Variants in VWF observed in about 807,000 individuals in gnomAD.
The protein encoded by VWF is Factor VIII related antigen.
Under a neutral mutation model 308.6 loss-of-function variants are expected in VWF, and 176 were observed. The ratio of observed to expected loss-of-function variants is 0.57; its 90% CI spans 0.50 to 0.65. VWF has a LOEUF of 0.65. VWF is among the 30% of genes least tolerant of loss of function. The pLI is 0.00. For missense variants in VWF, 3,146 were observed against 3,648.2 expected, an observed-to-expected ratio of 0.86 and a Z score of 3.55; for synonymous variants, 1,385 against 1,443.4, an observed-to-expected ratio of 0.96 and a Z score of 0.92.
At chr12:5,971,563 T>A in intron 44 of VWF, 36 bp downstream of exon 44, 1 of 1,569,776 alleles carries the variant, frequency 6.4e-7, no homozygotes. Flanking sequence ...GTGGCCCCAA[T>A]CTGCCCTCCT....
Position 6,060,497 on chromosome 12 carries a change from C to A in VWF, c.1534-2453G>T, listed in dbSNP as rs1395468642. On this transcript the variant is annotated intron_variant, in intron 13 of 51. Transcript: ENST00000261405. The surrounding 1 kb of genome is among the most constrained non-coding windows in gnomAD (Gnocchi z 5.1). ...CTGGTGTCAGTATTCTGAGGCTCCC[C>A]ACCTCCTGCCCCAACTCAAACACCC... is the stretch of plus-strand genomic sequence containing the variant. Among the ~76,000 whole-genome samples the A allele has an allele frequency of 6.6e-6, 1 of 152,130 alleles. No homozygotes were observed. The highest frequency in any genetic ancestry group is 2.1e-4 in the South Asian group (1 of 4,822).
chr12:5,976,761 G>A (rs1344917135), intron 42 of VWF, among the ~76,000 whole-genome samples: 2 of 152,194 alleles, frequency 1.3e-5, no homozygotes, highest in East Asian at 1.9e-4. Flanking sequence ...ACACAGAGCA[G>A]GGGATATGTT....
chr12:6,019,715 C>G lies in VWF; in HGVS notation c.3703G>C (p.Glu1235Gln). ...CHCDVVNLTCEACQEPGGLVV... is the reference protein window; with the variant it reads ...CHCDVVNLTCQACQEPGGLVV... ...AGGCCTCCCGGCTCCTGGCAGGCTTCACAGGTGAGGTTGACAACATCACAG... is the reference window on the plus strand; with the variant it reads ...AGGCCTCCCGGCTCCTGGCAGGCTTGACAGGTGAGGTTGACAACATCACAG... Residue 1235 changes from glutamate (E) to glutamine (Q), a missense_variant, in exon 28 of 52, where the codon GAA (glutamate) becomes CAA (glutamine). By Grantham distance (29) the Glu-to-Gln change is conservative (BLOSUM62 2). Around this residue, in one of 3 missense-constraint regions of VWF, gnomAD observed 853 missense variants for 1,177.8 expected, o/e 0.72. Transcript: ENST00000261405. This position sits in a 1 kb window ranked among gnomAD's most constrained non-coding sequence, Gnocchi z 5.8. 1 of 1,613,562 alleles carries G rather than the reference C, an allele frequency of 6.2e-7. No homozygotes were observed. The highest frequency in any genetic ancestry group is 8.5e-7 in the Non-Finnish European group (1 of 1,179,690).
chr12:6,036,452 G>A lies in VWF; in HGVS notation c.2482C>T (p.Pro828Ser), dbSNP rs1285074430. ...ENRCVALERC[P>S]CFHQGKEYAP... is the part of the protein sequence containing the mutation. ...TACTCCTTGCCCTGATGGAAGCAGGGACACCTTTCCAGGGCCACACATCTG... is the reference window on the plus strand; with the variant it reads ...TACTCCTTGCCCTGATGGAAGCAGGAACACCTTTCCAGGGCCACACATCTG... The change falls in exon 19 of 52, where the codon CCC becomes TCC. Residue 828 changes from proline (P) to serine (S), a missense_variant. Around this residue, in one of 3 missense-constraint regions of VWF, gnomAD observed 1,304 missense variants for 1,353.0 expected, o/e 0.96. Transcript: ENST00000261405. 3.7e-6 allele frequency: 6 copies of A among 1,614,110 alleles called. No homozygotes were observed. The highest frequency in any genetic ancestry group is 5.1e-6 in the Non-Finnish European group (6 of 1,180,046).
At chr12:6,092,628 T>TGAGAGTGAGAGAGA (rs1565386731) in intron 6 of VWF, among the ~76,000 whole-genome samples, 1 of 80,192 alleles carries the variant, frequency 1.2e-5, no homozygotes, top group Non-Finnish European at 2.3e-5. Context: ...AGTGTGTGTG[T>TGAGAGTGAGAGAGA]GTGTGTGTGT....
rs149847300 is a variant in VWF at position 6,049,604 on chromosome 12, C to A, written c.2187-2787G>T. Among the ~76,000 whole-genome samples the A allele has an allele frequency of 9.9e-3, 1,514 of 152,320 alleles. 24 individuals carry two copies. Among genetic ancestry groups the A allele is most frequent in the African/African-American group, 0.034 (1,416 of 41,576 alleles). On this transcript the variant is annotated intron_variant, in intron 16 of 51. Coordinates refer to ENST00000261405, the MANE Select transcript of VWF (RefSeq NM_000552.5). ...ACTGTAATAAGGAGAGTTCAAGAAT[C>A]CCTGGGCTCTAGTCACTTGCTGGCT... is the stretch of plus-strand genomic sequence containing the variant.
At position 5,985,601 on chromosome 12, in the gene VWF, T is replaced by C. The variant is rs1565819778; in HGVS notation, c.6863A>G (p.Lys2288Arg). Reference sequence around the variant, plus strand: ...GCAGGGCTGCGTTGTGCAGTTGACCTTCCGCCCGCTGAGGCATGTGCAGAT... The same window carrying C: ...GCAGGGCTGCGTTGTGCAGTTGACCCTCCGCCCGCTGAGGCATGTGCAGAT... ...CQICTCLSGR[K>R]VNCTTQPCPT... Residue 2288 changes from lysine (K) to arginine (R), a missense_variant, in exon 39 of 52, where the codon AAG (lysine) becomes AGG (arginine). Physicochemically the swap from Lys to Arg is conservative, Grantham distance 26. Transcript: ENST00000261405. 4 of 1,614,148 alleles carry C rather than the reference T, an allele frequency of 2.5e-6. No individual in the cohort carries two copies. Among genetic ancestry groups the C allele is most frequent in the Middle Eastern group, 3.3e-4 (2 of 6,062 alleles).
intron 51 of VWF, 135 bp downstream of exon 51, chr12:5,949,651 A>C: frequency 2.1e-6 from 2 of 969,570 alleles, no homozygotes; most frequent in Non-Finnish European, 3.2e-6. Context: ...TTGCTTAAAA[A>C]AAAATGCTTC....
chr12:6,041,869 G>A (rs1187085432), intron 18 of VWF, among the ~76,000 whole-genome samples: 2 of 152,200 alleles, frequency 1.3e-5, no homozygotes, highest in East Asian at 3.9e-4. Flanking sequence ...GGAAATCTAA[G>A]AAAAAGCATC....
intron 6 of VWF, among the ~76,000 whole-genome samples, chr12:6,089,515 G>GC (rs1591910696): frequency 1.3e-5 from 2 of 152,086 alleles, no homozygotes; most frequent in African/African-American, 4.8e-5. Context: ...TCAGAAAGGT[G>GC]CCCCGGGAGG....
chr12:6,122,752 G>A, intron 2 of VWF: 1 of 537,438 alleles, frequency 1.9e-6, no homozygotes, highest in Non-Finnish European at 3.7e-6. Context: ...GGAGACTTTG[G>A]AGCAGTCATT....
Position 6,075,596 on chromosome 12 carries a change from T to A in VWF, c.658-45A>T. 1.3e-6 allele frequency: 2 copies of A among 1,579,402 alleles called. No individual in the cohort carries two copies. The highest frequency in any genetic ancestry group is 1.7e-6 in the Non-Finnish European group (2 of 1,160,500). ...CTCAGCGGTATGCTCCGTTAGTGTC[T>A]CCCTGAGTGTGGCACTGAGACTTAG... On this transcript the variant is annotated intron_variant, in intron 6 of 51. Transcript: ENST00000261405. This position sits in a 1 kb window ranked among gnomAD's most constrained non-coding sequence, Gnocchi z 4.7.
chr12:5,996,212 T>C lies in VWF; in HGVS notation c.5853A>G (p.Thr1951=), dbSNP rs1170182862. 4 of 1,612,318 alleles carry C rather than the reference T, an allele frequency of 2.5e-6. No individual in the cohort carries two copies. Among genetic ancestry groups the C allele is most frequent in the African/African-American group, 1.3e-5 (1 of 75,012 alleles). Residue 1951 remains threonine (T), a synonymous_variant, in exon 35 of 52, where the codon ACA becomes ACG. Transcript: ENST00000261405. ...TCACGATGTGCCGAGTGGAGCTGCCTGTGCACACGCCTGGACAGAGAGAAG... is the reference window on the plus strand; with the variant it reads ...TCACGATGTGCCGAGTGGAGCTGCCCGTGCACACGCCTGGACAGAGAGAAG... The part of the protein sequence containing the change: ...GCRWTCPCVC[T]GSSTRHIVTF...
chr12:6,117,752 T>C (rs1006816212), intron 3 of VWF, among the ~76,000 whole-genome samples: 2 of 148,506 alleles, frequency 1.3e-5, no homozygotes, highest in African/African-American at 5.0e-5. Flanking sequence ...GAGGGGGAGG[T>C]TGCAGTGAGC....
At chr12:5,957,966 T>C (rs1435187078) in intron 47 of VWF, among the ~76,000 whole-genome samples, 2 of 152,194 alleles carry the variant, frequency 1.3e-5, no homozygotes, top group African/African-American at 4.8e-5. Context: ...ACAACAAATG[T>C]ACAAATTATG....
intron 31 of VWF, among the ~76,000 whole-genome samples, chr12:6,013,874 C>A (rs1565829392): frequency 6.6e-6 from 1 of 151,928 alleles, no homozygotes; most frequent in African/African-American, 2.4e-5. Context: ...ACATAAAGTC[C>A]CTCCCTGTCC....
At position 6,016,540 on chromosome 12, in the gene VWF, G is replaced by A. The variant is rs763126601; in HGVS notation, c.5287C>T (p.Arg1763Trp). The stretch of plus-strand genomic sequence containing the variant: ...CCGATTTGGCTGGGGCCTCCCTCCC[G>A]CTGCATGACGTCCACAAGGCTCAGC... ...HLLSLVDVMQ[R>W]EGGPSQIGDA... Residue 1763 changes from arginine to tryptophan, a missense_variant, in exon 30 of 52, where the codon CGG (arginine) becomes TGG (tryptophan). Coordinates refer to ENST00000261405, the MANE Select transcript of VWF (RefSeq NM_000552.5). 4.6e-5 allele frequency: 74 copies of A among 1,614,120 alleles called. No homozygotes were observed. The highest frequency in any genetic ancestry group is 2.9e-4 in the South Asian group (26 of 91,080).
At position 6,058,493 on chromosome 12, in the gene VWF, T is replaced by C. The variant is rs1180999940; in HGVS notation, c.1534-449A>G. ...TACGTGCAAACTCAAGGCCCCTCTA[T>C]ATAGAAAGACTTCGCGTTGGTCACT... On this transcript the variant is annotated intron_variant, in intron 13 of 51. Transcript: ENST00000261405. The surrounding 1 kb of genome is among the most constrained non-coding windows in gnomAD (Gnocchi z 4.9). Among the ~76,000 whole-genome samples the C allele has an allele frequency of 1.3e-5, 2 of 152,224 alleles. No homozygotes were observed. Among genetic ancestry groups the C allele is most frequent in the South Asian group, 2.1e-4 (1 of 4,824 alleles).
intron 34 of VWF, among the ~76,000 whole-genome samples, chr12:6,010,088 T>C (rs141682200): frequency 6.6e-6 from 1 of 152,312 alleles, no homozygotes; most frequent in African/African-American, 2.4e-5. Context: ...TATGGTATTG[T>C]ACACTGGAAA....
Sources: allele counts gnomAD v4.1 joint callset (sites outside exome capture counted in the v4.1 genomes callset), GRCh38; gene constraint gnomAD v4.1.1; regional missense constraint gnomAD v4.1.1; non-coding constraint Gnocchi (gnomAD v3.1); transcripts MANE v1.5; gene names NCBI Gene and HGNC (gene_info 2026-07-23, HGNC 2026-07-21).